DIS3L2: variants seen among roughly 807,000 people sequenced by gnomAD.
The protein encoded by DIS3L2 is DIS3 like 3'-5' exoribonuclease 2.
Under a neutral mutation model 97.5 loss-of-function variants are expected in DIS3L2, and 34 were observed. The ratio of observed to expected loss-of-function variants is 0.35; its 90% CI spans 0.27 to 0.46. DIS3L2 has a LOEUF of 0.46. Ranked by LOEUF, DIS3L2 falls within the 20% of genes least tolerant of loss-of-function variation. DIS3L2 has a pLI of 1.00. For synonymous variants in DIS3L2, 435 were observed against 445.2 expected, an observed-to-expected ratio of 0.98 and a Z score of 0.29; for missense variants, 1,038 against 1,146.0, an observed-to-expected ratio of 0.91 and a Z score of 1.36.
rs1386601689 is a variant in DIS3L2, at chr2:232,325,640, C to G, written c.1740-4173C>G. ...CCAGAGTGGTGGGGCCCTGGTGGTG[C>G]AGGTTCCAGACGCTTGGCTGATGCC... On this transcript the variant is annotated intron_variant, in intron 14 of 20. Coordinates refer to ENST00000325385, the MANE Select transcript of DIS3L2 (RefSeq NM_152383.5). This position sits in a 1 kb window ranked among gnomAD's most constrained non-coding sequence, Gnocchi z 4.6. Among the ~76,000 whole-genome samples, 5 of 152,196 alleles carry G rather than the reference C, an allele frequency of 3.3e-5. No homozygotes were observed. The highest frequency in any genetic ancestry group is 7.4e-5 in the Non-Finnish European group (5 of 68,024).
chr2:232,050,717 C>T (rs768429641), intron 5 of DIS3L2, among the ~76,000 whole-genome samples: 1 of 152,154 alleles, frequency 6.6e-6, no homozygotes, highest in Non-Finnish European at 1.5e-5. Context: ...GTTTATTCGA[C>T]ATTTTTTGAT....
chr2:232,198,018 T>G (rs1691801216), intron 9 of DIS3L2, among the ~76,000 whole-genome samples: 1 of 151,702 alleles, frequency 6.6e-6, no homozygotes. Context: ...TAGGGGAGAT[T>G]TCAACTCTCA....
At chr2:232,167,947 G>A (rs1690874085) in intron 9 of DIS3L2, among the ~76,000 whole-genome samples, 1 of 152,168 alleles carries the variant, frequency 6.6e-6, no homozygotes, top group Non-Finnish European at 1.5e-5. Context: ...TGCTCGGGAG[G>A]CTGAGGCAGG....
intron 6 of DIS3L2, among the ~76,000 whole-genome samples, chr2:232,100,804 G>GGGGTGT (rs151034873): frequency 1.2e-4 from 18 of 147,630 alleles, no homozygotes; most frequent in Admixed American, 2.7e-4. Flanking sequence ...TTGAAAGAAA[G>GGGGTGT]GTGTGTGTGT....
At chr2:232,194,423 A>G (rs1161248778) in intron 9 of DIS3L2, among the ~76,000 whole-genome samples, 1 of 152,216 alleles carries the variant, frequency 6.6e-6, no homozygotes, top group Non-Finnish European at 1.5e-5. Flanking sequence ...GTGTTTTGGC[A>G]GAACTGGTTT....
At chr2:232,015,079 T>TAAA in intron 2 of DIS3L2, 100 bp downstream of exon 2, 2 of 1,169,994 alleles carry the variant, frequency 1.7e-6, no homozygotes, top group African/African-American at 1.6e-5. Flanking sequence ...TGAGGGCTAC[T>TAAA]ATAATTCTTT....
intron 5 of DIS3L2, among the ~76,000 whole-genome samples, chr2:232,080,017 C>T (rs1044542349): frequency 6.6e-6 from 1 of 152,220 alleles, no homozygotes; most frequent in Admixed American, 6.5e-5. Flanking sequence ...AAGAAACGCT[C>T]TAACTTTATT....
In DIS3L2 at chr2:232,079,126, A is replaced by G. The variant is rs528854903; in HGVS notation, c.367-8361A>G. On this transcript the variant is annotated intron_variant, in intron 5 of 20. Transcript: ENST00000325385. ...AAATCATTTCCTAATTAATTGTCAT[A>G]TTTGTTGATTCTGTTAGCATGTATT... Among the ~76,000 whole-genome samples, 4 of 152,296 alleles carry G rather than the reference A, an allele frequency of 2.6e-5. No individual in the cohort carries two copies. In the South Asian group the frequency reaches 8.3e-4, roughly 32 times the overall value.
chr2:232,014,439 C>T (rs183301773), intron 1 of DIS3L2, among the ~76,000 whole-genome samples: 5 of 152,280 alleles, frequency 3.3e-5, no homozygotes, highest in Admixed American at 3.3e-4. Context: ...TAGTAAATGC[C>T]ACATATTGAG....
chr2:232,119,326 C>T (rs768004710), intron 6 of DIS3L2, among the ~76,000 whole-genome samples: 13 of 152,198 alleles, frequency 8.5e-5, no homozygotes, highest in East Asian at 1.9e-4. Flanking sequence ...CCTTAGAAGA[C>T]GGGTAGAGAA....
intron 6 of DIS3L2, among the ~76,000 whole-genome samples, chr2:232,097,046 T>C (rs939063804): frequency 6.6e-6 from 1 of 152,174 alleles, no homozygotes; most frequent in African/African-American, 2.4e-5. Flanking sequence ...CTAGGCCTAT[T>C]GCATCTGTCC....
At chr2:232,188,524 A>C (rs1188321508) in intron 9 of DIS3L2, among the ~76,000 whole-genome samples, 2 of 152,236 alleles carry the variant, frequency 1.3e-5, no homozygotes, top group Admixed American at 1.3e-4. Context: ...TGCCATACAT[A>C]GGCAAATAAA....
chr2:232,342,435 G>A (rs1027390260), intron 13 of DIS3L2, among the ~76,000 whole-genome samples: 5 of 152,090 alleles, frequency 3.3e-5, no homozygotes, highest in African/African-American at 9.7e-5. Context: ...GGAGGGAGAC[G>A]GAACTGCTGT....
intron 1 of DIS3L2, among the ~76,000 whole-genome samples, chr2:232,010,010 C>T (rs569552379): frequency 6.6e-6 from 1 of 152,300 alleles, no homozygotes; most frequent in African/African-American, 2.4e-5. Flanking sequence ...GCTTGTCCTA[C>T]CCTGGTAGCT....
At chr2:232,033,108 C>T (rs1400121586) in intron 5 of DIS3L2, among the ~76,000 whole-genome samples, 2 of 152,162 alleles carry the variant, frequency 1.3e-5, no homozygotes, top group Non-Finnish European at 2.9e-5. Context: ...TTGATTCTTC[C>T]TATCTATGAG....
intron 5 of DIS3L2, among the ~76,000 whole-genome samples, chr2:232,081,943 C>CTA: frequency 6.6e-6 from 1 of 152,228 alleles, no homozygotes; most frequent in African/African-American, 2.4e-5. Context: ...GCACATGCCA[C>CTA]CATGCCTGGC....
At chr2:232,181,217 T>G (rs1249255) in intron 9 of DIS3L2, among the ~76,000 whole-genome samples, 1 of 147,620 alleles carries the variant, frequency 6.8e-6, no homozygotes, top group Non-Finnish European at 1.5e-5. Flanking sequence ...GTGGGTAACC[T>G]GACCTTTCTC....
rs570910893 is a variant in DIS3L2 at position 232,033,499 on chromosome 2, C to T, written c.366+3419C>T. Among the ~76,000 whole-genome samples, 4 of 152,296 alleles carry T rather than the reference C, an allele frequency of 2.6e-5. No homozygotes were observed. The South Asian group carries it at 8.3e-4, about 32-fold the overall frequency. On this transcript the variant is annotated intron_variant, in intron 5 of 20. Coordinates refer to ENST00000325385, the MANE Select transcript of DIS3L2 (RefSeq NM_152383.5). ...GCCTGATTGCCCTGGCCAGAACTTC[C>T]AGTACTACGTTGAATAGAGTGCTGA...
intron 3 of DIS3L2, among the ~76,000 whole-genome samples, chr2:232,020,651 G>C (rs1236623710): frequency 6.6e-6 from 1 of 152,070 alleles, no homozygotes; most frequent in Non-Finnish European, 1.5e-5. Flanking sequence ...CAGAGAGAGA[G>C]GCTGTTCACA....
Sources: allele counts gnomAD v4.1 joint callset (sites outside exome capture counted in the v4.1 genomes callset), GRCh38; gene constraint gnomAD v4.1.1; non-coding constraint Gnocchi (gnomAD v3.1); transcripts MANE v1.5; gene names NCBI Gene and HGNC (gene_info 2026-07-23, HGNC 2026-07-21).